The following IMMP2L variants were observed in gnomAD, a reference collection of about 807,000 sequenced individuals.
The protein encoded by IMMP2L is inner mitochondrial membrane peptidase subunit 2.
IMMP2L carries 18 observed loss-of-function variants against 19.3 expected under a neutral mutation model. That is an observed-to-expected ratio of 0.93 (90% CI 0.64 to 1.38). The LOEUF is 1.38. Among genes scored for constraint, IMMP2L ranks in the 40% most tolerant of loss-of-function variants. IMMP2L has a pLI of 0.00. For missense variants in IMMP2L, 233 were observed against 218.2 expected, an observed-to-expected ratio of 1.07 and a Z score of -0.43; for synonymous variants, 76 against 73.0, an observed-to-expected ratio of 1.04 and a Z score of -0.21.
chr7:111,408,260 T>C lies in IMMP2L; in HGVS notation c.239+78978A>G, dbSNP rs913000728. Among the ~76,000 whole-genome samples the C allele has an allele frequency of 1.6e-4, 25 of 151,740 alleles. 1 individual carries two copies. The highest frequency in any genetic ancestry group is 6.2e-4 in the South Asian group (3 of 4,802). Reference sequence around the variant, plus strand: ...ACACTTCTGATTATCTGTATAGCCATTGAAACAAGTAATAAGTATAATATT... The same window carrying C: ...ACACTTCTGATTATCTGTATAGCCACTGAAACAAGTAATAAGTATAATATT... On this transcript the variant is annotated intron_variant, in intron 3 of 5. Coordinates refer to ENST00000405709, the MANE Select transcript of IMMP2L (RefSeq NM_032549.4).
chr7:111,122,595 T>G, intron 3 of IMMP2L: 1 of 586,998 alleles, frequency 1.7e-6, no homozygotes, highest in Non-Finnish European at 3.0e-6. Flanking sequence ...ATGACATTTT[T>G]GGACAATGCA....
intron 3 of IMMP2L, among the ~76,000 whole-genome samples, chr7:111,426,045 C>T (rs770382704): frequency 3.3e-5 from 5 of 150,830 alleles, no homozygotes; most frequent in Admixed American, 1.3e-4. Context: ...AGGGCATTTT[C>T]GGGACCATGA....
intron 5 of IMMP2L, among the ~76,000 whole-genome samples, chr7:110,680,382 C>A (rs537851009): frequency 3.3e-5 from 5 of 152,312 alleles, no homozygotes; most frequent in African/African-American, 9.6e-5. Context: ...CCTGTCTCCT[C>A]ACCCTAGAAT....
chr7:110,850,517 G>A (rs1024809500), intron 5 of IMMP2L, among the ~76,000 whole-genome samples: 1 of 152,026 alleles, frequency 6.6e-6, no homozygotes, highest in Non-Finnish European at 1.5e-5. Context: ...GACTCTGGCT[G>A]CACTGCCTAT....
intron 5 of IMMP2L, among the ~76,000 whole-genome samples, chr7:110,850,119 T>C (rs934915464): frequency 4.6e-5 from 7 of 151,938 alleles, no homozygotes; most frequent in Non-Finnish European, 1.0e-4. Context: ...GAAAATATAA[T>C]GCATAATCAG....
rs969056140 is a variant in IMMP2L, at chr7:111,551,495, G to GGTT, written c.-3+10355_-3+10356insAAC. 1.7e-3 allele frequency among the ~76,000 whole-genome samples: 253 copies of GGTT among 145,354 alleles called. 1 individual carries two copies. Among genetic ancestry groups the GGTT allele is most frequent in the African/African-American group, 6.1e-3 (240 of 39,410 alleles). On this transcript the variant is annotated intron_variant, in intron 1 of 5. Transcript: ENST00000405709. The stretch of plus-strand genomic sequence containing the variant: ...AGGTATGTTAGGTATGACTGTTAGA[G>GGTT]GTGTGTGTGTGTGTGTGTGTGTGTG...
At chr7:110,963,455 C>G (rs746775961) in intron 4 of IMMP2L, 45 bp downstream of exon 4, 1 of 1,343,294 alleles carries the variant, frequency 7.4e-7, no homozygotes, top group Non-Finnish European at 1.1e-6. Flanking sequence ...TAACAGAACT[C>G]TAGATATTTA....
intron 5 of IMMP2L, among the ~76,000 whole-genome samples, chr7:110,778,776 T>C (rs1281874142): frequency 6.6e-6 from 1 of 151,290 alleles, no homozygotes; most frequent in Non-Finnish European, 1.5e-5. Flanking sequence ...ACAGCATCTA[T>C]TTTTTTTTCC....
At chr7:111,423,067 C>T (rs1207706918) in intron 3 of IMMP2L, among the ~76,000 whole-genome samples, 1 of 151,796 alleles carries the variant, frequency 6.6e-6, no homozygotes, top group African/African-American at 2.4e-5. Context: ...AGGGATGAAG[C>T]CCACTTGATC....
At chr7:110,991,511 T>C (rs553474182) in intron 3 of IMMP2L, among the ~76,000 whole-genome samples, 106 of 152,248 alleles carry the variant, frequency 7.0e-4, no homozygotes, top group African/African-American at 2.5e-3. Flanking sequence ...CATGGTAACA[T>C]TAAAAACCCT....
chr7:110,866,467 C>T (rs1445434293), intron 5 of IMMP2L, among the ~76,000 whole-genome samples: 1 of 151,744 alleles, frequency 6.6e-6, no homozygotes, highest in East Asian at 1.9e-4. Context: ...CAACTGGCTT[C>T]CCTGTGCCAC....
At chr7:110,816,907 TGACTCTTTATCCAATTTGCCA>T (rs1046153047) in intron 5 of IMMP2L, among the ~76,000 whole-genome samples, 3 of 152,176 alleles carry the variant, frequency 2.0e-5, no homozygotes, top group African/African-American at 7.2e-5. Flanking sequence ...TGATGGGTCT[TGACTCTTTATCCAATTTGCCA>T]GACTGCGTCT....
At chr7:111,545,564 TTAG>T in intron 1 of IMMP2L, among the ~76,000 whole-genome samples, 1 of 152,190 alleles carries the variant, frequency 6.6e-6, no homozygotes. Flanking sequence ...TTTTGTATTT[TTAG>T]TAGAGACGGG....
intron 3 of IMMP2L, among the ~76,000 whole-genome samples, chr7:111,462,090 T>C (rs1840186953): frequency 6.6e-6 from 1 of 151,482 alleles, no homozygotes; most frequent in South Asian, 2.1e-4. Flanking sequence ...TACTTATTTA[T>C]ATATTTTTAT....
intron 3 of IMMP2L, among the ~76,000 whole-genome samples, chr7:111,222,259 ATATCTT>A (rs1216819681): frequency 6.6e-6 from 1 of 152,054 alleles, no homozygotes; most frequent in Non-Finnish European, 1.5e-5. Context: ...ATAGAAAAAT[ATATCTT>A]TATAACACAA....
intron 3 of IMMP2L, among the ~76,000 whole-genome samples, chr7:111,033,479 CA>C (rs1368919527): frequency 6.6e-6 from 1 of 152,132 alleles, no homozygotes. Context: ...GTTATTTATT[CA>C]AATAAGTTAA....
In IMMP2L at chr7:111,115,514, C is replaced by A. The variant is rs183290931; in HGVS notation, c.240-151949G>T. On this transcript the variant is annotated intron_variant, in intron 3 of 5. Coordinates refer to ENST00000405709, the MANE Select transcript of IMMP2L (RefSeq NM_032549.4). ...AATGTGCCTGTGATTAAGATTTCAT[C>A]CCCCCCTCTGTAAAAGAAAATTATA... 6.3e-3 allele frequency among the ~76,000 whole-genome samples: 957 copies of A among 151,884 alleles called. 10 individuals carry two copies. The highest frequency in any genetic ancestry group is 0.022 in the African/African-American group (895 of 41,424).
chr7:111,500,321 G>A (rs6977244), intron 2 of IMMP2L, among the ~76,000 whole-genome samples: 1,926 of 152,270 alleles, frequency 0.013, 39 homozygotes, highest in African/African-American at 0.041. Flanking sequence ...CTCGAACTAC[G>A]CGGAGACTAC....
chr7:110,800,915 G>C (rs1008430177), intron 5 of IMMP2L, among the ~76,000 whole-genome samples: 1 of 152,028 alleles, frequency 6.6e-6, no homozygotes, highest in Non-Finnish European at 1.5e-5. Flanking sequence ...ACAAGTCTTA[G>C]TCAGATATCT....
Sources: gnomAD v4.1 joint callset for allele counts (sites outside exome capture counted in the v4.1 genomes callset) on GRCh38, gnomAD v4.1.1 for gene constraint, MANE v1.5 for transcripts, NCBI Gene and HGNC (gene_info 2026-07-23, HGNC 2026-07-21) for gene names.